The following RNLS variants were observed in gnomAD, a reference collection of about 807,000 sequenced individuals.
RNLS encodes the protein renalase, FAD dependent amine oxidase, also known as renalase.
Under a neutral mutation model 39.8 loss-of-function variants are expected in RNLS, and 39 were observed. The observed-to-expected ratio is 0.98, with a 90% CI of 0.76 to 1.28. RNLS has a LOEUF of 1.28. RNLS is among the 50% of genes most tolerant of loss of function. The probability of loss-of-function intolerance (pLI) is 0.00; values close to 1 mark genes in which losing one functional copy is unlikely to be tolerated. For missense variants in RNLS, 410 were observed against 413.3 expected, an observed-to-expected ratio of 0.99 and a Z score of 0.07; for synonymous variants, 147 against 150.7, an observed-to-expected ratio of 0.98 and a Z score of 0.18.
At chr10:88,244,673 A>G in the RNLS span, among the ~76,000 whole-genome samples, 1 of 151,358 alleles carries the variant, frequency 6.6e-6, no homozygotes, top group Non-Finnish European at 1.5e-5. Context: ...CCTTTGCAGG[A>G]TGTTTAAGGT....
chr10:88,353,529 G>A (rs1435053437), intron 5 of RNLS, among the ~76,000 whole-genome samples: 3 of 152,210 alleles, frequency 2.0e-5, no homozygotes, highest in Non-Finnish European at 4.4e-5. Flanking sequence ...TTTTGAGTGA[G>A]TTTCTTAATC....
the RNLS span, among the ~76,000 whole-genome samples, chr10:88,189,102 T>C: frequency 6.6e-6 from 1 of 152,230 alleles, no homozygotes; most frequent in Non-Finnish European, 1.5e-5. Context: ...TTTCCTGGTA[T>C]TGATGTACAT....
chr10:88,382,021 T>C (rs1175110782), intron 4 of RNLS, among the ~76,000 whole-genome samples: 1 of 152,152 alleles, frequency 6.6e-6, no homozygotes, highest in Admixed American at 6.5e-5. Context: ...ATGATCACTT[T>C]CCCACTACGA....
At chr10:88,426,112 G>A (rs895467977) in intron 4 of RNLS, among the ~76,000 whole-genome samples, 4 of 151,964 alleles carry the variant, frequency 2.6e-5, no homozygotes, top group South Asian at 2.1e-4. Flanking sequence ...GCAGTTTAGC[G>A]GTATGTGTAT....
chr10:88,531,569 A>G (rs1196734615), intron 4 of RNLS, among the ~76,000 whole-genome samples: 2 of 152,022 alleles, frequency 1.3e-5, no homozygotes, highest in Non-Finnish European at 2.9e-5. Flanking sequence ...ACCACTCTGT[A>G]GATCTCAGCA....
intron 4 of RNLS, among the ~76,000 whole-genome samples, chr10:88,420,169 A>G (rs970770396): frequency 2.6e-5 from 4 of 152,146 alleles, no homozygotes; most frequent in African/African-American, 9.6e-5. Context: ...ATCCTGGAGG[A>G]GGGCTAGTAT....
chr10:88,453,132 T>C (rs1842445252), intron 4 of RNLS, among the ~76,000 whole-genome samples: 1 of 152,184 alleles, frequency 6.6e-6, no homozygotes, highest in Non-Finnish European at 1.5e-5. Flanking sequence ...CTAGAACTTA[T>C]TATAAGAAGC....
intron 6 of RNLS, among the ~76,000 whole-genome samples, chr10:88,298,641 A>G (rs1187736734): frequency 1.3e-5 from 2 of 152,246 alleles, no homozygotes; most frequent in Non-Finnish European, 2.9e-5. Context: ...TCAATTGACT[A>G]TAGGTATAGG....
chr10:88,244,937 G>A, the RNLS span, among the ~76,000 whole-genome samples: 394 of 152,244 alleles, frequency 2.6e-3, 1 homozygote, highest in African/African-American at 8.7e-3. Flanking sequence ...TACAGGAACC[G>A]AGCCTAAAAG....
the RNLS span, among the ~76,000 whole-genome samples, chr10:88,219,451 C>A: frequency 6.6e-6 from 1 of 152,324 alleles, no homozygotes; most frequent in East Asian, 1.9e-4. Flanking sequence ...ATGTGAATTA[C>A]AAACAGCTCC....
intron 4 of RNLS, among the ~76,000 whole-genome samples, chr10:88,375,594 CAG>C (rs1262411679): frequency 6.6e-6 from 1 of 152,140 alleles, no homozygotes; most frequent in Non-Finnish European, 1.5e-5. Context: ...AGATTACCAA[CAG>C]AGAGTTCATA....
intron 4 of RNLS, among the ~76,000 whole-genome samples, chr10:88,419,896 G>T (rs1224697239): frequency 1.3e-5 from 2 of 152,012 alleles, no homozygotes; most frequent in Non-Finnish European, 2.9e-5. Context: ...TGTAATCCCA[G>T]CTACTCTGGA....
At chr10:88,435,516 C>T (rs1450222459) in intron 4 of RNLS, among the ~76,000 whole-genome samples, 1 of 151,810 alleles carries the variant, frequency 6.6e-6, no homozygotes, top group Non-Finnish European at 1.5e-5. Flanking sequence ...TAGAATACTT[C>T]AGTACTTTAA....
intron 4 of RNLS, among the ~76,000 whole-genome samples, chr10:88,378,362 A>T (rs1851196015): frequency 6.6e-6 from 1 of 152,160 alleles, no homozygotes; most frequent in Non-Finnish European, 1.5e-5. Context: ...ATTCTCTCTT[A>T]AGGCTGGCCA....
chr10:88,577,397 A>C (rs978556076), intron 3 of RNLS, among the ~76,000 whole-genome samples: 1 of 152,182 alleles, frequency 6.6e-6, no homozygotes, highest in Non-Finnish European at 1.5e-5. Flanking sequence ...AACATGATTA[A>C]TTGCAAAGGC....
At chr10:88,243,334 C>A in the RNLS span, among the ~76,000 whole-genome samples, 1 of 152,194 alleles carries the variant, frequency 6.6e-6, no homozygotes. Flanking sequence ...ACTTTTTGTC[C>A]TGGAACAATA....
At chr10:88,415,705 T>A (rs806694) in intron 4 of RNLS, among the ~76,000 whole-genome samples, 1 of 152,008 alleles carries the variant, frequency 6.6e-6, no homozygotes, top group Non-Finnish European at 1.5e-5. Flanking sequence ...TATGCATGTA[T>A]GCTTCTTAGA....
At chr10:88,252,177 CTT>C in the RNLS span, among the ~76,000 whole-genome samples, 1 of 152,320 alleles carries the variant, frequency 6.6e-6, no homozygotes, top group South Asian at 2.1e-4. Context: ...TTCCATCTCT[CTT>C]GTCTCTTCTC....
At chr10:88,460,978 CA>C (rs1436176575) in intron 4 of RNLS, among the ~76,000 whole-genome samples, 3 of 151,994 alleles carry the variant, frequency 2.0e-5, no homozygotes, top group Non-Finnish European at 2.9e-5. Flanking sequence ...GGGTACAGAT[CA>C]AAGATCTGGT....
Sources: gnomAD v4.1 joint callset for allele counts (sites outside exome capture counted in the v4.1 genomes callset) on GRCh38, gnomAD v4.1.1 for gene constraint, MANE v1.5 for transcripts, NCBI Gene and HGNC (gene_info 2026-07-23, HGNC 2026-07-21) for gene names.